Variants in RASSF3 observed in about 807,000 individuals in gnomAD.
The protein encoded by RASSF3 is ras association domain-containing protein 3.
Under a neutral mutation model 19.9 loss-of-function variants are expected in RASSF3, and 19 were observed. The observed-to-expected ratio is 0.96, with a 90% CI of 0.67 to 1.40. The LOEUF is 1.40. RASSF3 is among the 40% of genes most tolerant of loss of function. RASSF3 has a pLI of 0.00. For synonymous variants in RASSF3, 110 were observed against 104.2 expected, an observed-to-expected ratio of 1.06 and a Z score of -0.34; for missense variants, 306 against 289.8, an observed-to-expected ratio of 1.06 and a Z score of -0.41.
chr12:64,596,250 C>T (rs143378716), intron 2 of RASSF3, among the ~76,000 whole-genome samples: 114 of 152,320 alleles, frequency 7.5e-4, no homozygotes, highest in Non-Finnish European at 1.2e-3. Flanking sequence ...TGAAGGCTCT[C>T]GTGTATACAC....
intron 2 of RASSF3, among the ~76,000 whole-genome samples, chr12:64,583,150 A>T (rs1378354554): frequency 1.3e-5 from 2 of 152,164 alleles, no homozygotes; most frequent in African/African-American, 4.8e-5. Flanking sequence ...TTCACATGAC[A>T]CAAAGTATTG....
chr12:64,677,470 G>A (rs574645088), intron 1 of RASSF3, among the ~76,000 whole-genome samples: 2 of 151,224 alleles, frequency 1.3e-5, no homozygotes, highest in African/African-American at 4.9e-5. Flanking sequence ...GAGACAGGGT[G>A]TGCTGTGTTG....
At chr12:64,542,943 G>C (rs1215977053), downstream of RASSF3, among the ~76,000 whole-genome samples, 1 of 152,134 alleles carries the variant, frequency 6.6e-6, no homozygotes, top group Non-Finnish European at 1.5e-5. Flanking sequence ...AGAGGCACGG[G>C]CGGGAACCGG....
intron 1 of RASSF3, among the ~76,000 whole-genome samples, chr12:64,620,978 C>G (rs1337765820): frequency 2.0e-5 from 3 of 152,074 alleles, no homozygotes; most frequent in Non-Finnish European, 4.4e-5. Context: ...ACTCGTCACC[C>G]AGGCTGGAGT....
intron 1 of RASSF3, among the ~76,000 whole-genome samples, chr12:64,682,112 T>C (rs1251397636): frequency 1.3e-5 from 2 of 152,174 alleles, no homozygotes; most frequent in African/African-American, 4.8e-5. Flanking sequence ...TAAGATTACT[T>C]TGGGGTTTTA....
intron 4 of RASSF3, among the ~76,000 whole-genome samples, chr12:64,692,262 A>G (rs184107670): frequency 6.6e-6 from 1 of 152,160 alleles, no homozygotes; most frequent in South Asian, 2.1e-4. Flanking sequence ...AATGGTGTGA[A>G]ATGTCCTACA....
chr12:64,620,869 G>T (rs1235295841), intron 1 of RASSF3, among the ~76,000 whole-genome samples: 1 of 151,832 alleles, frequency 6.6e-6, no homozygotes, highest in Non-Finnish European at 1.5e-5. Flanking sequence ...CATTAAAATA[G>T]AGAAAAAAAA....
intron 1 of RASSF3, among the ~76,000 whole-genome samples, chr12:64,681,571 T>C (rs1873128174): frequency 6.6e-6 from 1 of 152,194 alleles, no homozygotes. Context: ...TATTGTACAC[T>C]TTTTAGTATA....
intron 1 of RASSF3, among the ~76,000 whole-genome samples, chr12:64,516,522 G>C (rs550491123): frequency 6.7e-6 from 1 of 150,336 alleles, no homozygotes; most frequent in Non-Finnish European, 1.5e-5. Flanking sequence ...GGGAGGCTGA[G>C]GCAGGAGAAT....
chr12:64,591,964 C>G (rs1468925725), intron 2 of RASSF3, among the ~76,000 whole-genome samples: 1 of 151,596 alleles, frequency 6.6e-6, no homozygotes, highest in Non-Finnish European at 1.5e-5. Flanking sequence ...TGCAGTGGCA[C>G]GATCTTGGCT....
chr12:64,673,764 A>G (rs1872781528), intron 1 of RASSF3, among the ~76,000 whole-genome samples: 2 of 152,082 alleles, frequency 1.3e-5, no homozygotes, highest in South Asian at 4.2e-4. Flanking sequence ...ATCACGTTTC[A>G]GAAATGAACG....
chr12:64,508,452 G>A (rs896153393), intron 1 of RASSF3, among the ~76,000 whole-genome samples: 3 of 151,978 alleles, frequency 2.0e-5, no homozygotes, highest in African/African-American at 7.3e-5. Context: ...GGGAGGCGAA[G>A]GTTGCAGTGA....
At chr12:64,598,124 G>A (rs747777991) in intron 2 of RASSF3, among the ~76,000 whole-genome samples, 4 of 152,042 alleles carry the variant, frequency 2.6e-5, no homozygotes, top group Non-Finnish European at 5.9e-5. Context: ...TCACCATGTT[G>A]GCCAAGCTGA....
In RASSF3 at chr12:64,696,843, A is replaced by G. The variant is rs1227221894; in HGVS notation, c.*1931A>G. ...TGTACATTGATGAGGTTTTAGTGAC[A>G]TTGTCATCCAACACTTTACCTTTAT... On this transcript the variant is annotated 3_prime_UTR_variant, in exon 5 of 5. Transcript: ENST00000542104. 6.6e-6 allele frequency: 1 copy of G among 152,118 alleles called. No homozygotes were observed. The highest frequency in any genetic ancestry group is 6.6e-5 in the Admixed American group (1 of 15,258). The allele number at this position is 152,118 out of a possible 1,614,324, so 9.4% of individuals were successfully genotyped here.
At chr12:64,649,918 A>T (rs1232474031) in intron 1 of RASSF3, among the ~76,000 whole-genome samples, 2 of 152,188 alleles carry the variant, frequency 1.3e-5, no homozygotes, top group Non-Finnish European at 2.9e-5. Flanking sequence ...TGTTTCTCCC[A>T]GTTTTCCTTT....
At chr12:64,668,391 G>T (rs1565866194) in intron 1 of RASSF3, among the ~76,000 whole-genome samples, 1 of 151,926 alleles carries the variant, frequency 6.6e-6, no homozygotes, top group East Asian at 1.9e-4. Context: ...CAATTCTCCA[G>T]CCTTAGCCTC....
At chr12:64,632,662 C>T (rs559671829) in intron 1 of RASSF3, among the ~76,000 whole-genome samples, 51 of 151,788 alleles carry the variant, frequency 3.4e-4, no homozygotes, top group Admixed American at 2.7e-3. Context: ...ATGGGGAGCA[C>T]GGGAGGAAGA....
chr12:64,537,308 C>A (rs1178812820), intron 1 of RASSF3, among the ~76,000 whole-genome samples: 1 of 152,178 alleles, frequency 6.6e-6, no homozygotes, highest in Non-Finnish European at 1.5e-5. Flanking sequence ...ATTTAAAGCT[C>A]CTAAGACCCC....
intron 2 of RASSF3, among the ~76,000 whole-genome samples, chr12:64,561,715 CTTT>C (rs4046189): frequency 1.6e-5 from 2 of 127,606 alleles, no homozygotes; most frequent in Non-Finnish European, 1.6e-5. Flanking sequence ...TAGCATTTAT[CTTT>C]TTTTTTTTTT....
Sources: gnomAD v4.1 joint callset for allele counts (sites outside exome capture counted in the v4.1 genomes callset) on GRCh38, gnomAD v4.1.1 for gene constraint, MANE v1.5 for transcripts, NCBI Gene and HGNC (gene_info 2026-07-23, HGNC 2026-07-21) for gene names.